Variants in GRID2 observed in about 807,000 individuals in gnomAD.
GRID2 encodes glutamate ionotropic receptor delta type subunit 2, also known as glutamate receptor ionotropic, delta-2.
GRID2 carries 33 observed loss-of-function variants against 114.8 expected under a neutral mutation model. That is an observed-to-expected ratio of 0.29 (90% confidence interval 0.22 to 0.38). GRID2 has a LOEUF of 0.38. GRID2 is among the 10% of genes least tolerant of loss of function. The probability of loss-of-function intolerance (pLI) is 1.00; values close to 1 mark genes in which losing one functional copy is unlikely to be tolerated. For synonymous variants in GRID2, 505 were observed against 449.9 expected (o/e 1.12, Z -1.55); for missense variants, 1,184 against 1,257.7 (o/e 0.94, Z 0.89).
At chr4:92,538,751 A>G (rs1458586063) in intron 1 of GRID2, among the ~76,000 whole-genome samples, 1 of 152,176 alleles carries the variant, frequency 6.6e-6, no homozygotes, top group Non-Finnish European at 1.5e-5. Flanking sequence ...TATTAAATGG[A>G]TACATTAATG....
chr4:92,788,073 T>C (rs527780485), intron 2 of GRID2, among the ~76,000 whole-genome samples: 1 of 151,748 alleles, frequency 6.6e-6, no homozygotes, highest in Non-Finnish European at 1.5e-5. Flanking sequence ...ATTGTGGATA[T>C]ATAGATGGAA....
At chr4:93,541,110 A>G (rs1313860621) in intron 13 of GRID2, among the ~76,000 whole-genome samples, 2 of 152,160 alleles carry the variant, frequency 1.3e-5, no homozygotes, top group Non-Finnish European at 2.9e-5. Context: ...GAGAGACACT[A>G]TGGAGAAAAC....
At chr4:93,085,623 A>G (rs1055396709) in intron 3 of GRID2, among the ~76,000 whole-genome samples, 1 of 152,132 alleles carries the variant, frequency 6.6e-6, no homozygotes, top group Non-Finnish European at 1.5e-5. Context: ...AAAAAAATGT[A>G]TACCTCTCTA....
chr4:92,914,990 C>G (rs1482588685), intron 2 of GRID2, among the ~76,000 whole-genome samples: 1 of 152,108 alleles, frequency 6.6e-6, no homozygotes, highest in Non-Finnish European at 1.5e-5. Flanking sequence ...ATAAAGGAAA[C>G]AGATTCAATT....
chr4:93,455,883 G>A lies in GRID2; in HGVS notation c.1767G>A (p.Trp589Ter). Residue 589 changes from tryptophan to a stop codon, truncating the protein, a stop_gained, in exon 11 of 16, where the codon TGG becomes TGA. Coordinates refer to ENST00000282020, the MANE Select transcript of GRID2 (RefSeq NM_001510.4). LOFTEE classifies it high-confidence loss of function. ...GTCTACTGGTCTACCTCTTGAACTG[G>A]CTTAATCCCCCACGATTACAAATGG... ...LVGLLVYLLN[W>*]LNPPRLQMGS... 1 of 1,610,426 alleles carries A rather than the reference G, an allele frequency of 6.2e-7. No individual in the cohort carries two copies. Among genetic ancestry groups the A allele is most frequent in the South Asian group, 1.1e-5 (1 of 91,018 alleles).
intron 9 of GRID2, among the ~76,000 whole-genome samples, chr4:93,420,143 A>G (rs1768121950): frequency 6.6e-6 from 1 of 152,272 alleles, no homozygotes; most frequent in Admixed American, 6.5e-5. Context: ...TCCTCTTACA[A>G]TTAATTTGCT....
At chr4:92,806,582 A>G (rs1371777203) in intron 2 of GRID2, among the ~76,000 whole-genome samples, 2 of 151,814 alleles carry the variant, frequency 1.3e-5, no homozygotes, top group Admixed American at 6.6e-5. Context: ...TTCTGTGCTA[A>G]GTATGATAAT....
At chr4:93,080,137 T>C (rs539600499) in intron 2 of GRID2, among the ~76,000 whole-genome samples, 1 of 152,264 alleles carries the variant, frequency 6.6e-6, no homozygotes, top group East Asian at 1.9e-4. Context: ...CAAAGAATTC[T>C]AAATGTCTGG....
intron 1 of GRID2, among the ~76,000 whole-genome samples, chr4:92,334,265 C>T (rs1388095527): frequency 6.6e-6 from 1 of 152,142 alleles, no homozygotes; most frequent in Non-Finnish European, 1.5e-5. Flanking sequence ...AAGATTTAGG[C>T]TCTTGTTACA....
rs114526030 is a variant in GRID2, at chr4:93,107,001, A to G, written c.530-3747A>G. ...GCAAAATCAATCTTTGAAGACTTCT[A>G]TAAGATAAATATTTTTTTCTGGGAG... On this transcript the variant is annotated intron_variant, in intron 3 of 15. Coordinates refer to ENST00000282020, the MANE Select transcript of GRID2 (RefSeq NM_001510.4). Among the ~76,000 whole-genome samples the G allele has an allele frequency of 2.2e-3, 330 of 152,284 alleles. 4 individuals carry two copies. The highest frequency in any genetic ancestry group is 7.2e-3 in the African/African-American group (298 of 41,568).
intron 1 of GRID2, among the ~76,000 whole-genome samples, chr4:92,325,532 G>T (rs1450602377): frequency 6.6e-6 from 1 of 151,770 alleles, no homozygotes; most frequent in Non-Finnish European, 1.5e-5. Flanking sequence ...ATTGATTTTT[G>T]TAATTATGTC....
intron 2 of GRID2, among the ~76,000 whole-genome samples, chr4:92,630,095 T>A (rs1730726532): frequency 6.6e-6 from 1 of 152,042 alleles, no homozygotes. Context: ...CACTCAATAT[T>A]GTCTATGTTC....
intron 13 of GRID2, among the ~76,000 whole-genome samples, chr4:93,604,168 T>C (rs1413863392): frequency 6.6e-6 from 1 of 152,216 alleles, no homozygotes; most frequent in Non-Finnish European, 1.5e-5. Flanking sequence ...TAGATGCCAG[T>C]AAGAACATTC....
intron 4 of GRID2, among the ~76,000 whole-genome samples, chr4:93,131,958 T>C (rs1180315625): frequency 6.6e-6 from 1 of 152,176 alleles, no homozygotes; most frequent in East Asian, 1.9e-4. Flanking sequence ...ATATCTGTGA[T>C]CTGATTTTAG....
chr4:93,748,954 C>A (rs1451337542), intron 14 of GRID2, among the ~76,000 whole-genome samples: 3 of 151,546 alleles, frequency 2.0e-5, no homozygotes, highest in South Asian at 2.1e-4. Flanking sequence ...CCAGAGCCAC[C>A]ATTGCATAGG....
chr4:92,855,268 A>G (rs1272998875), intron 2 of GRID2, among the ~76,000 whole-genome samples: 1 of 152,084 alleles, frequency 6.6e-6, no homozygotes, highest in Non-Finnish European at 1.5e-5. Context: ...ATGTCACTTT[A>G]GAGATAAAGC....
At chr4:92,522,072 A>C (rs1674429174) in intron 1 of GRID2, among the ~76,000 whole-genome samples, 3 of 151,844 alleles carry the variant, frequency 2.0e-5, no homozygotes. Flanking sequence ...ACTGTGGGGC[A>C]GATAGAGTAG....
Position 92,408,431 on chromosome 4 carries a change from C to CTTTTTTTTTT in GRID2, c.88+103710_88+103719dup, listed in dbSNP as rs35638036. Reference sequence around the variant, plus strand: ...TACAATTATATTGCCTATTCAAGCTCTTTTTTTTTTTTTTTTTTTTTTTTT... The same window carrying CTTTTTTTTTT: ...TACAATTATATTGCCTATTCAAGCTCTTTTTTTTTTTTTTTTTTTTTTTTTTTTTTTTTTT... On this transcript the variant is annotated intron_variant, in intron 1 of 15. Coordinates refer to ENST00000282020, the MANE Select transcript of GRID2 (RefSeq NM_001510.4). Among the ~76,000 whole-genome samples the CTTTTTTTTTT allele has an allele frequency of 7.7e-4, 15 of 19,426 alleles. 1 individual carries two copies. The highest frequency in any genetic ancestry group is 1.2e-3 in the Non-Finnish European group (11 of 8,826). 12.7% of individuals were successfully genotyped at this position (19,426 alleles called of 152,430 possible).
chr4:93,237,148 T>C (rs773390013), intron 7 of GRID2, among the ~76,000 whole-genome samples: 3 of 151,978 alleles, frequency 2.0e-5, no homozygotes, highest in Non-Finnish European at 4.4e-5. Flanking sequence ...GTGACCTATG[T>C]TCTTGACTGC....
Sources: gnomAD v4.1 joint callset for allele counts (sites outside exome capture counted in the v4.1 genomes callset) on GRCh38, gnomAD v4.1.1 for gene constraint, MANE v1.5 for transcripts, NCBI Gene and HGNC (gene_info 2026-07-23, HGNC 2026-07-21) for gene names.